The following TCF20 variants were observed in gnomAD, a reference collection of about 807,000 sequenced individuals.
TCF20 encodes SPRE-binding protein.
In TCF20, 3 loss-of-function variants were observed where a neutral mutation model predicts 148.6. The observed-to-expected ratio is 0.02, with a 90% confidence interval of 0.01 to 0.05. TCF20 has a LOEUF of 0.05. Among genes scored for constraint, TCF20 ranks in the 10% least tolerant of loss-of-function variants. TCF20 has a pLI of 1.00. For missense variants in TCF20, 2,350 were observed against 2,429.3 expected (o/e 0.97, Z 0.69); for synonymous variants, 1,049 against 909.5 (o/e 1.15, Z -2.76).
At chr22:42,262,535 G>C (rs1926085052) in intron 1 of TCF20, among the ~76,000 whole-genome samples, 1 of 152,150 alleles carries the variant, frequency 6.6e-6, no homozygotes, top group Admixed American at 6.5e-5. Flanking sequence ...GCTGTGTCGA[G>C]CAGGAGTTGA....
chr22:42,220,825 C>T (rs1922288850), intron 1 of TCF20, among the ~76,000 whole-genome samples: 2 of 152,302 alleles, frequency 1.3e-5, no homozygotes, highest in South Asian at 4.2e-4. Context: ...GCTGCAGCTC[C>T]ATCGGGCAAC....
upstream of TCF20, among the ~76,000 whole-genome samples, chr22:42,284,638 G>C (rs1473522198): frequency 1.3e-5 from 2 of 152,150 alleles, no homozygotes; most frequent in African/African-American, 4.8e-5. Flanking sequence ...CTACAAAGGT[G>C]GGCTTGGAAA....
chr22:42,266,710 A>G (rs1390491855), intron 1 of TCF20, among the ~76,000 whole-genome samples: 1 of 151,594 alleles, frequency 6.6e-6, no homozygotes, highest in East Asian at 2.0e-4. Context: ...GCCTAGAAAG[A>G]GAAGGTTGCA....
At chr22:42,271,160 C>G (rs540419768), upstream of TCF20, among the ~76,000 whole-genome samples, 613 of 152,320 alleles carry the variant, frequency 4.0e-3, 9 homozygotes, top group Non-Finnish European at 2.8e-3. Flanking sequence ...CCGGGGGCAG[C>G]CCAAGACCTA....
chr22:42,332,126 C>T (rs1569211644), intron 1 of TCF20, among the ~76,000 whole-genome samples: 1 of 152,206 alleles, frequency 6.6e-6, no homozygotes, highest in African/African-American at 2.4e-5. Flanking sequence ...CGAGCAGATG[C>T]ATAACAGATA....
intron 1 of TCF20, among the ~76,000 whole-genome samples, chr22:42,332,077 C>T (rs1483174906): frequency 6.6e-6 from 1 of 152,238 alleles, no homozygotes; most frequent in East Asian, 1.9e-4. Flanking sequence ...GTGAACTCAG[C>T]AGACACCATC....
At chr22:42,198,201 A>T (rs1937710882) in intron 2 of TCF20, among the ~76,000 whole-genome samples, 2 of 152,038 alleles carry the variant, frequency 1.3e-5, no homozygotes, top group South Asian at 4.2e-4. Flanking sequence ...TAAAGTAAAA[A>T]AAGCAACACA....
chr22:42,314,389 G>C (rs1927592606), intron 1 of TCF20, among the ~76,000 whole-genome samples: 1 of 152,248 alleles, frequency 6.6e-6, no homozygotes, highest in Non-Finnish European at 1.5e-5. Context: ...CGAAATTGAT[G>C]GCCATTGTCA....
intron 2 of TCF20, among the ~76,000 whole-genome samples, chr22:42,202,977 G>A (rs2058522412): frequency 6.6e-6 from 1 of 152,202 alleles, no homozygotes; most frequent in African/African-American, 2.4e-5. Context: ...GATATTTGTT[G>A]AATTGAAAGG....
At chr22:42,240,560 A>G (rs1276252696) in intron 1 of TCF20, among the ~76,000 whole-genome samples, 1 of 152,222 alleles carries the variant, frequency 6.6e-6, no homozygotes, top group East Asian at 1.9e-4. Context: ...AGATAGTGAG[A>G]TATTACCAAA....
In TCF20 at chr22:42,299,536, C is replaced by T. The variant is rs989146893; in HGVS notation, c.-37+43943G>A. ...GCAGTGGTGGGTCACCCAGGAACCC[C>T]GAGGAACTGGAATGGGGGTGGAGGG... On this transcript the variant is annotated intron_variant, in intron 1 of 1. Transcript: ENST00000515426. The surrounding 1 kb of genome is among the most constrained non-coding windows in gnomAD (Gnocchi z 4.1). Among the ~76,000 whole-genome samples the T allele has an allele frequency of 4.6e-5, 7 of 152,212 alleles. No homozygotes were observed. The highest frequency in any genetic ancestry group is 7.3e-5 in the Non-Finnish European group (5 of 68,036).
intron 2 of TCF20, among the ~76,000 whole-genome samples, chr22:42,180,989 C>T (rs1936743567): frequency 6.6e-6 from 1 of 152,178 alleles, no homozygotes; most frequent in African/African-American, 2.4e-5. Context: ...TTATCATGTG[C>T]CCTCGCACCC....
At chr22:42,184,969 A>G (rs28438468) in intron 2 of TCF20, among the ~76,000 whole-genome samples, 149,563 of 152,350 alleles carry the variant, frequency 0.98, 73,440 homozygotes, top group East Asian at 1. Context: ...GACTTGAGGT[A>G]GCAAACTGCA....
intron 1 of TCF20, among the ~76,000 whole-genome samples, chr22:42,258,668 G>C (rs761504883): frequency 6.6e-6 from 1 of 152,086 alleles, no homozygotes; most frequent in Non-Finnish European, 1.5e-5. Flanking sequence ...TTCAATAAAT[G>C]CAACACTTTT....
intron 1 of TCF20, among the ~76,000 whole-genome samples, chr22:42,265,544 T>A (rs529681759): frequency 6.6e-6 from 1 of 152,230 alleles, no homozygotes; most frequent in Non-Finnish European, 1.5e-5. Flanking sequence ...ATCACTGTCA[T>A]GTACCGTTTT....
chr22:42,222,293 C>A (rs1486789626), intron 1 of TCF20, among the ~76,000 whole-genome samples: 1 of 151,944 alleles, frequency 6.6e-6, no homozygotes, highest in Non-Finnish European at 1.5e-5. Context: ...TTTAGAATAA[C>A]CCCAAACTGA....
At position 42,210,898 on chromosome 22, in the gene TCF20, G is replaced by C. The variant is rs1230656171; in HGVS notation, c.4408C>G (p.Gln1470Glu). ...PPGAMTSTTS[Q>E]KPGSNQGRPD... The stretch of plus-strand genomic sequence containing the variant: ...CTCCCTTGGTTACTACCAGGCTTCT[G>C]TGAGGTTGTGGATGTCATGGCACCA... Residue 1470 changes from glutamine (Q) to glutamate (E), a missense_variant, in exon 2 of 6, where the codon CAG (glutamine) becomes GAG (glutamate). Physicochemically the swap from Gln to Glu is conservative, Grantham distance 29. This residue lies in a region of TCF20 where 231 missense variants were observed against 213.7 expected (regional missense o/e 1.08). Coordinates refer to ENST00000677622, the MANE Select transcript of TCF20 (RefSeq NM_001378418.1). The surrounding 1 kb of genome is among the most constrained non-coding windows in gnomAD (Gnocchi z 4.7). 1 of 1,614,210 alleles carries C rather than the reference G, an allele frequency of 6.2e-7. No individual in the cohort carries two copies. Among genetic ancestry groups the C allele is most frequent in the South Asian group, 1.1e-5 (1 of 91,088 alleles).
chr22:42,308,116 C>T (rs1927467824), intron 1 of TCF20, among the ~76,000 whole-genome samples: 1 of 152,114 alleles, frequency 6.6e-6, no homozygotes, highest in Non-Finnish European at 1.5e-5. Context: ...AATTCAATTC[C>T]ATAAACATGT....
chr22:42,214,203 G>C lies in TCF20; in HGVS notation c.1103C>G (p.Ser368Cys), dbSNP rs1921408600. The C allele has an allele frequency of 6.2e-7, 1 of 1,614,256 alleles. No individual in the cohort carries two copies. Residue 368 changes from serine to cysteine, a missense_variant, in exon 2 of 6, where the codon TCT (serine) becomes TGT (cysteine). Ser to Cys is a moderately radical substitution (Grantham distance 112). Around this residue, in one of 7 missense-constraint regions of TCF20, gnomAD observed 1,641 missense variants for 1,662.6 expected, o/e 0.99. Transcript: ENST00000677622. Reference sequence around the variant, plus strand: ...CACAGAGGCAGCTGGAGAAGGGTTAGAAATGGGGCTGAAGTTCTGGTGAAA... The same window carrying C: ...CACAGAGGCAGCTGGAGAAGGGTTACAAATGGGGCTGAAGTTCTGGTGAAA... The part of the protein sequence containing the change: ...MQFHQNFSPI[S>C]NPSPAASVVQ...
Sources: gnomAD v4.1 joint callset for allele counts (sites outside exome capture counted in the v4.1 genomes callset) on GRCh38, gnomAD v4.1.1 for gene constraint, gnomAD v4.1.1 regional missense constraint, Gnocchi (gnomAD v3.1) non-coding constraint, MANE v1.5 for transcripts, NCBI Gene and HGNC (gene_info 2026-07-23, HGNC 2026-07-21) for gene names.